Variants in TNS1 observed in about 807,000 individuals in gnomAD.
TNS1 encodes the protein tensin 1.
TNS1 carries 62 observed loss-of-function variants against 168.6 expected under a neutral mutation model. The observed-to-expected ratio is 0.37, with a 90% CI of 0.30 to 0.45. The LOEUF (loss-of-function observed/expected upper bound fraction) is 0.45. Among genes scored for constraint, TNS1 ranks in the 20% least tolerant of loss-of-function variants. The pLI is 1.00. For synonymous variants in TNS1, 934 were observed against 933.2 expected (o/e 1.00, Z -0.02); for missense variants, 2,240 against 2,339.4 (o/e 0.96, Z 0.88).
intron 8 of TNS1, among the ~76,000 whole-genome samples, chr2:217,895,880 G>A (rs1952240487): frequency 6.6e-6 from 1 of 152,246 alleles, no homozygotes; most frequent in Non-Finnish European, 1.5e-5. Flanking sequence ...GTCTGGAATA[G>A]GCAGGATAGA....
At chr2:217,919,398 C>T (rs941703685) in intron 4 of TNS1, among the ~76,000 whole-genome samples, 3 of 152,224 alleles carry the variant, frequency 2.0e-5, no homozygotes, top group Non-Finnish European at 4.4e-5. Context: ...CGATTGTGCC[C>T]GCAAGGTGTC....
chr2:218,017,952 C>T (rs981750339), intron 1 of TNS1, among the ~76,000 whole-genome samples: 1 of 152,184 alleles, frequency 6.6e-6, no homozygotes, highest in African/African-American at 2.4e-5. Context: ...AGGGAATGAA[C>T]GCCTGAGGGA....
rs1365048747 is a variant in TNS1, at chr2:217,867,983, ATG to A, written c.1429+12913_1429+12914del. On this transcript the variant is annotated intron_variant, in intron 18 of 32. Transcript: ENST00000682258. The stretch of plus-strand genomic sequence containing the variant: ...AGTTATTTATTATGGTTGTTTTTAA[ATG>A]TGTTATTGTCTGCCTCCACTAGAAT... 2.0e-5 allele frequency among the ~76,000 whole-genome samples: 3 copies of A among 152,204 alleles called. No individual in the cohort carries two copies. The East Asian group carries it at 5.8e-4, about 29-fold the overall frequency.
In TNS1 at chr2:218,032,717, G is replaced by T. The variant is rs529268154; in HGVS notation, c.156+1103C>A. Reference sequence around the variant, plus strand: ...GCTGCTCTTCCCTAAACCCCTGAAGGGGGGAGCCCCGAGCAGCAGCAACCC... The same window carrying T: ...GCTGCTCTTCCCTAAACCCCTGAAGTGGGGAGCCCCGAGCAGCAGCAACCC... On this transcript the variant is annotated intron_variant, in intron 1 of 1. Transcript: ENST00000649572. The surrounding 1 kb of genome is among the most constrained non-coding windows in gnomAD (Gnocchi z 4.0). 5.3e-5 allele frequency among the ~76,000 whole-genome samples: 8 copies of T among 152,268 alleles called. No homozygotes were observed. The highest frequency in any genetic ancestry group is 2.1e-4 in the South Asian group (1 of 4,826).
At chr2:217,861,980 T>C (rs75376896) in intron 18 of TNS1, among the ~76,000 whole-genome samples, 4,213 of 152,336 alleles carry the variant, frequency 0.028, 199 homozygotes, top group African/African-American at 0.096. Context: ...ATGGCCAGCA[T>C]AGAGAAGAGG....
Position 217,813,537 on chromosome 2 carries a change from A to C in TNS1, c.4861+148T>G. On this transcript the variant is annotated intron_variant, in intron 26 of 32. Transcript: ENST00000682258. The surrounding 1 kb of genome is among the most constrained non-coding windows in gnomAD (Gnocchi z 4.0). Reference sequence around the variant, plus strand: ...TCCTGCTTTCCCAATCTCTGACCTCAACCATCACCAAGCCCAAGACACCCT... The same window carrying C: ...TCCTGCTTTCCCAATCTCTGACCTCCACCATCACCAAGCCCAAGACACCCT... The C allele has an allele frequency of 7.9e-7, 1 of 1,260,378 alleles. No individual in the cohort carries two copies. The highest frequency in any genetic ancestry group is 1.1e-6 in the Non-Finnish European group (1 of 917,536). The allele number at this position is 1,260,378 out of a possible 1,614,324, so 78.1% of individuals were successfully genotyped here.
chr2:218,010,134 C>A, exon 1 of TNS1: 2 of 399,186 alleles, frequency 5.0e-6, no homozygotes, highest in Non-Finnish European at 8.8e-6. Flanking sequence ...GGGCAGGAGG[C>A]ACGAGAAGAG....
rs764867317 is a variant in TNS1 at position 217,886,643 on chromosome 2, G to A, written c.870C>T (p.Tyr290=). The part of the protein sequence containing the change: ...VPIGQPSQRR[Y]VHYFSGLLSG... Reference sequence around the variant, plus strand: ...AGAGCAGGCCACTGAAGTAATGCACGTACCTGTAGTGGTGGGAGAAGCAGC... The same window carrying A: ...AGAGCAGGCCACTGAAGTAATGCACATACCTGTAGTGGTGGGAGAAGCAGC... Residue 290 remains tyrosine (Y), a synonymous_variant, in exon 13 of 33, where the codon TAC becomes TAT. Coordinates refer to ENST00000682258, the MANE Select transcript of TNS1 (RefSeq NM_001387777.1). The A allele has an allele frequency of 4.3e-5, 68 of 1,578,624 alleles. No individual in the cohort carries two copies. Among genetic ancestry groups the A allele is most frequent in the South Asian group, 3.8e-4 (33 of 86,024 alleles).
Position 218,027,129 on chromosome 2 carries a change from G to A in TNS1, c.156+6691C>T, listed in dbSNP as rs190577707. 2.6e-5 allele frequency among the ~76,000 whole-genome samples: 4 copies of A among 151,926 alleles called. No homozygotes were observed. The South Asian group carries it at 6.3e-4, about 24-fold the overall frequency. ...ACCCCACAAACACACACACACACAC[G>A]CTCATTCTTGTTTGGCCCAGCCATG... is the stretch of plus-strand genomic sequence containing the variant. On this transcript the variant is annotated intron_variant, in intron 1 of 1. Transcript: ENST00000649572.
intron 1 of TNS1, among the ~76,000 whole-genome samples, chr2:218,017,687 C>T (rs945060226): frequency 2.0e-5 from 3 of 152,258 alleles, no homozygotes; most frequent in Non-Finnish European, 2.9e-5. Context: ...GAGCCTGCTT[C>T]TTCTTCTGTA....
At chr2:217,911,454 A>G (rs1276497783) in intron 4 of TNS1, among the ~76,000 whole-genome samples, 1 of 151,880 alleles carries the variant, frequency 6.6e-6, no homozygotes, top group Non-Finnish European at 1.5e-5. Flanking sequence ...GAGAGTGATG[A>G]CTCCTCAGAT....
At chr2:217,831,418 C>G (rs1559188705) in intron 22 of TNS1, 37 bp downstream of exon 22, 3 of 1,525,814 alleles carry the variant, frequency 2.0e-6, no homozygotes, top group East Asian at 2.5e-5. Context: ...CCTCCTCCCC[C>G]TGGCCCCCCT....
At chr2:217,808,730 C>G (rs1939748372) in intron 30 of TNS1, 59 bp from the exon 31 acceptor site, 2 of 1,532,220 alleles carry the variant, frequency 1.3e-6, no homozygotes, top group Non-Finnish European at 1.8e-6. Flanking sequence ...CTTTTCCCCT[C>G]CTTCCACCAG....
At position 217,934,398 on chromosome 2, in the gene TNS1, C is replaced by T. The variant is rs1414508936; in HGVS notation, c.187-14162G>A. The stretch of plus-strand genomic sequence containing the variant: ...TGCTGTGATTCAGTGGCTGGGCCTC[C>T]GGGGAGAATTTCCGGAGCCCCAGAC... On this transcript the variant is annotated intron_variant, in intron 3 of 32. Coordinates refer to ENST00000682258, the MANE Select transcript of TNS1 (RefSeq NM_001387777.1). Among the ~76,000 whole-genome samples the T allele has an allele frequency of 3.3e-5, 5 of 152,100 alleles. No individual in the cohort carries two copies. In the South Asian group the frequency reaches 6.2e-4, roughly 19 times the overall value.
chr2:218,004,113 A>G (rs912269355), upstream of TNS1, among the ~76,000 whole-genome samples: 4 of 151,846 alleles, frequency 2.6e-5, no homozygotes, highest in Admixed American at 2.0e-4. Flanking sequence ...CCAGTGAATC[A>G]CCCGCTCTGT....
chr2:217,985,089 C>A (rs1249724078), intron 2 of TNS1, among the ~76,000 whole-genome samples: 1 of 148,802 alleles, frequency 6.7e-6, no homozygotes, highest in Non-Finnish European at 1.5e-5. Flanking sequence ...TTTTTTAGCT[C>A]ATCAGCTATG....
At position 217,800,922 on chromosome 2, in the gene TNS1, C is replaced by T. The variant is rs1367413904; in HGVS notation, c.*3537G>A. ...GCTCATCAGAACAAGGCAGAATCTC[C>T]TACTCACTAACCTCCTGAGAGCCGT... is the stretch of plus-strand genomic sequence containing the variant. On this transcript the variant is annotated 3_prime_UTR_variant, in exon 33 of 33. Transcript: ENST00000682258. The T allele has an allele frequency of 6.6e-6, 1 of 152,224 alleles. No individual in the cohort carries two copies. Among genetic ancestry groups the T allele is most frequent in the East Asian group, 1.9e-4 (1 of 5,184 alleles). 9.4% of individuals were successfully genotyped at this position (152,224 alleles called of 1,614,324 possible).
At chr2:218,013,072 A>G (rs186147672), upstream of TNS1, among the ~76,000 whole-genome samples, 235 of 150,214 alleles carry the variant, frequency 1.6e-3, no homozygotes, top group African/African-American at 4.4e-3. Flanking sequence ...ACGTGGTGAA[A>G]CCCCATCACT....
intron 18 of TNS1, among the ~76,000 whole-genome samples, chr2:217,862,256 A>G (rs1411622113): frequency 1.3e-5 from 2 of 152,174 alleles, no homozygotes; most frequent in East Asian, 3.9e-4. Flanking sequence ...ACTTCGTCTT[A>G]CCATGTTTCT....
Sources: gnomAD v4.1 joint callset for allele counts (sites outside exome capture counted in the v4.1 genomes callset) on GRCh38, gnomAD v4.1.1 for gene constraint, Gnocchi (gnomAD v3.1) non-coding constraint, MANE v1.5 for transcripts, NCBI Gene and HGNC (gene_info 2026-07-23, HGNC 2026-07-21) for gene names.